Variants in THOP1 observed in about 807,000 individuals in gnomAD.
The protein encoded by THOP1 is thimet oligopeptidase 1, also known as thimet oligopeptidase.
Under a neutral mutation model 71.8 loss-of-function variants are expected in THOP1, and 49 were observed. The observed-to-expected ratio is 0.68, with a 90% CI of 0.54 to 0.87. The LOEUF (loss-of-function observed/expected upper bound fraction) is 0.87, where lower values mean the gene tolerates loss of function less well. Ranked by LOEUF, THOP1 falls within the 40% of genes least tolerant of loss-of-function variation. THOP1 has a pLI of 0.00. For missense variants in THOP1, 843 were observed against 975.6 expected, an observed-to-expected ratio of 0.86 and a Z score of 1.81; for synonymous variants, 426 against 421.5, an observed-to-expected ratio of 1.01 and a Z score of -0.13.
At position 2,805,280 on chromosome 19, in the gene THOP1, C is replaced by T; in HGVS notation, c.750+104C>T. 1 of 1,344,590 alleles carries T rather than the reference C, an allele frequency of 7.4e-7. No individual in the cohort carries two copies. Among genetic ancestry groups the T allele is most frequent in the Non-Finnish European group, 1.0e-6 (1 of 1,003,994 alleles). 83.3% of individuals were successfully genotyped at this position (1,344,590 alleles called of 1,614,324 possible). Reference sequence around the variant, plus strand: ...ACCTCCAGGCTTTGCACTTGGATGGCCTCCCAATCTCCCTGGCCAGGCCCA... The same window carrying T: ...ACCTCCAGGCTTTGCACTTGGATGGTCTCCCAATCTCCCTGGCCAGGCCCA... On this transcript the variant is annotated intron_variant, in intron 6 of 12. Coordinates refer to ENST00000307741, the MANE Select transcript of THOP1 (RefSeq NM_003249.5). This position sits in a 1 kb window ranked among gnomAD's most constrained non-coding sequence, Gnocchi z 6.6.
At chr19:2,811,962 TCC>T in intron 12 of THOP1, 4 of 1,161,006 alleles carry the variant, frequency 3.4e-6, no homozygotes, top group Non-Finnish European at 1.2e-6. Context: ...GGGTGAGCCA[TCC>T]CGGCCGAGGC....
At chr19:2,811,781 C>T (rs751417231) in intron 12 of THOP1, 47 bp downstream of exon 12, 5 of 1,561,278 alleles carry the variant, frequency 3.2e-6, no homozygotes, top group South Asian at 1.2e-5. Flanking sequence ...CGGCAAGGTA[C>T]GCGGGGACTG....
rs1916263832 is a variant in THOP1 at position 2,805,288 on chromosome 19, T to C, written c.750+112T>C. Reference sequence around the variant, plus strand: ...GCTTTGCACTTGGATGGCCTCCCAATCTCCCTGGCCAGGCCCAGTGGCCAG... The same window carrying C: ...GCTTTGCACTTGGATGGCCTCCCAACCTCCCTGGCCAGGCCCAGTGGCCAG... On this transcript the variant is annotated intron_variant, in intron 6 of 12. Coordinates refer to ENST00000307741, the MANE Select transcript of THOP1 (RefSeq NM_003249.5). The surrounding 1 kb of genome is among the most constrained non-coding windows in gnomAD (Gnocchi z 6.6). 7.6e-7 allele frequency: 1 copy of C among 1,309,326 alleles called. No individual in the cohort carries two copies. Among genetic ancestry groups the C allele is most frequent in the Admixed American group, 2.6e-5 (1 of 37,954 alleles). The allele number at this position is 1,309,326 out of a possible 1,614,324, so 81.1% of individuals were successfully genotyped here. A position where few individuals can be genotyped will look rare whatever the true frequency, so the allele number is the denominator to read the frequency against.
At chr19:2,806,748 C>T (rs1599529833) in intron 6 of THOP1, 169 bp from the exon 7 acceptor site, 3 of 1,170,734 alleles carry the variant, frequency 2.6e-6, no homozygotes, top group Admixed American at 2.6e-5. Flanking sequence ...ATTATGATAA[C>T]GCTGGTGGCA....
At position 2,796,111 on chromosome 19, in the gene THOP1, G is replaced by A; in HGVS notation, c.409G>A (p.Glu137Lys). The part of the protein sequence containing the change: ...EKVQKDSLRP[E>K]AARYLERLIK... ...AGTTCAGAAGGACTCACTGAGGCCC[G>A]AGGCTGCGCGGTACCTGGAGCGGCT... The change falls in exon 4 of 13, where the codon GAG (glutamate) becomes AAG (lysine). Residue 137 changes from glutamate to lysine, a missense_variant. Transcript: ENST00000307741. 1.1e-5 allele frequency: 18 copies of A among 1,613,932 alleles called. No individual in the cohort carries two copies. The highest frequency in any genetic ancestry group is 2.2e-5 in the East Asian group (1 of 44,864).
Position 2,804,996 on chromosome 19 carries a change from C to T in THOP1, c.590-20C>T. The T allele has an allele frequency of 3.1e-6, 5 of 1,606,258 alleles. No individual in the cohort carries two copies. Among genetic ancestry groups the T allele is most frequent in the Non-Finnish European group, 4.3e-6 (5 of 1,176,398 alleles). On this transcript the variant is annotated intron_variant, in intron 5 of 12. Coordinates refer to ENST00000307741, the MANE Select transcript of THOP1 (RefSeq NM_003249.5). This position sits in a 1 kb window ranked among gnomAD's most constrained non-coding sequence, Gnocchi z 4.7. Reference sequence around the variant, plus strand: ...GGGCCCATCAGTCCTGTCAAAGCCACCCTGGTTCTGTCCCCATAGGAGGGC... The same window carrying T: ...GGGCCCATCAGTCCTGTCAAAGCCATCCTGGTTCTGTCCCCATAGGAGGGC...
Position 2,807,136 on chromosome 19 carries a change from G to A in THOP1, c.886+84G>A. 2.0e-6 allele frequency: 3 copies of A among 1,464,342 alleles called. No homozygotes were observed. In the South Asian group the frequency reaches 4.2e-5, roughly 21 times the overall value. The allele number at this position is 1,464,342 out of a possible 1,614,324, so 90.7% of individuals were successfully genotyped here. On this transcript the variant is annotated intron_variant, in intron 7 of 12. Coordinates refer to ENST00000307741, the MANE Select transcript of THOP1 (RefSeq NM_003249.5). ...CAGGGGACAGTCGGTGCTACCCCTA[G>A]AGCCTTGTCCTTTCCCTCCATGAAG...
Position 2,794,141 on chromosome 19 carries a change from A to G in THOP1, c.230-623A>G, listed in dbSNP as rs184870026. On this transcript the variant is annotated intron_variant, in intron 2 of 12. Transcript: ENST00000307741. ...GCTATTCCCCTACCTCAGCCTCCCAAGTAGTTGGAATTACAGGCACGCGCC... is the reference window on the plus strand; with the variant it reads ...GCTATTCCCCTACCTCAGCCTCCCAGGTAGTTGGAATTACAGGCACGCGCC... 2.0e-5 allele frequency among the ~76,000 whole-genome samples: 3 copies of G among 151,766 alleles called. No homozygotes were observed. The East Asian group carries it at 5.8e-4, about 29-fold the overall frequency.
chr19:2,785,551 C>G lies in THOP1; in HGVS notation c.-112C>G. On this transcript the variant is annotated 5_prime_UTR_variant, in exon 1 of 13. Coordinates refer to ENST00000307741, the MANE Select transcript of THOP1 (RefSeq NM_003249.5). ...GCGGGCCCCTTGGTCCTCAGGCGGC[C>G]GTGGCGGCGGTGGCGGCGGTTGGGC... 3.1e-6 allele frequency: 4 copies of G among 1,301,670 alleles called. No homozygotes were observed. Among genetic ancestry groups the G allele is most frequent in the Non-Finnish European group, 4.1e-6 (4 of 987,202 alleles). 80.6% of individuals were successfully genotyped at this position (1,301,670 alleles called of 1,614,324 possible). A position where few individuals can be genotyped will look rare whatever the true frequency, so the allele number is the denominator to read the frequency against.
intron 4 of THOP1, among the ~76,000 whole-genome samples, chr19:2,797,743 G>A (rs573095641): frequency 6.6e-6 from 1 of 152,304 alleles, no homozygotes; most frequent in African/African-American, 2.4e-5. Context: ...CCTAAGTCAG[G>A]GAGCATCTGT....
At position 2,805,334 on chromosome 19, in the gene THOP1, T is replaced by C. The variant is rs1916264704; in HGVS notation, c.750+158T>C. Reference sequence around the variant, plus strand: ...GCCAGCAGAGGCCTCCCTGTGGGGCTCTGCCGTGCCCTGGAGGTGTCTGTG... The same window carrying C: ...GCCAGCAGAGGCCTCCCTGTGGGGCCCTGCCGTGCCCTGGAGGTGTCTGTG... On this transcript the variant is annotated intron_variant, in intron 6 of 12. Transcript: ENST00000307741. This position sits in a 1 kb window ranked among gnomAD's most constrained non-coding sequence, Gnocchi z 6.6. 6.6e-6 allele frequency among the ~76,000 whole-genome samples: 1 copy of C among 152,190 alleles called. No individual in the cohort carries two copies. Among genetic ancestry groups the C allele is most frequent in the Non-Finnish European group, 1.5e-5 (1 of 68,028 alleles).
At chr19:2,799,430 A>T (rs1242644597) in intron 4 of THOP1, among the ~76,000 whole-genome samples, 1 of 152,242 alleles carries the variant, frequency 6.6e-6, no homozygotes, top group East Asian at 1.9e-4. Flanking sequence ...AGACCGGAGC[A>T]CATCCCTGAG....
At position 2,804,222 on chromosome 19, in the gene THOP1, G is replaced by A. The variant is rs890859881; in HGVS notation, c.590-794G>A. Among the ~76,000 whole-genome samples the A allele has an allele frequency of 5.9e-5, 9 of 152,336 alleles. No homozygotes were observed. The highest frequency in any genetic ancestry group is 3.4e-3 in the Middle Eastern group (1 of 294). Reference sequence around the variant, plus strand: ...TAGGAACCCCAGAGGGTTTCAGTCCGGGATGCTGCCGCCCCCACTTCTCTT... The same window carrying A: ...TAGGAACCCCAGAGGGTTTCAGTCCAGGATGCTGCCGCCCCCACTTCTCTT... On this transcript the variant is annotated intron_variant, in intron 5 of 12. Coordinates refer to ENST00000307741, the MANE Select transcript of THOP1 (RefSeq NM_003249.5). This position sits in a 1 kb window ranked among gnomAD's most constrained non-coding sequence, Gnocchi z 4.7.
chr19:2,787,483 A>G (rs190055549), intron 1 of THOP1, among the ~76,000 whole-genome samples: 2 of 152,326 alleles, frequency 1.3e-5, no homozygotes, highest in East Asian at 3.9e-4. Flanking sequence ...TGACAGTTCC[A>G]GTTCCCATCC....
rs184811249 is a variant in THOP1 at position 2,813,940 on chromosome 19, C to G, written c.*664C>G. On this transcript the variant is annotated 3_prime_UTR_variant, in exon 13 of 13. Coordinates refer to ENST00000307741, the MANE Select transcript of THOP1 (RefSeq NM_003249.5). ...GGCAGGCCCTGTGCGCACAGGCAGC[C>G]GGGGCGGGGCTGGGGGTCAGCAGCT... 1 of 152,348 alleles carries G rather than the reference C, an allele frequency of 6.6e-6. No homozygotes were observed. Among genetic ancestry groups the G allele is most frequent in the East Asian group, 1.9e-4 (1 of 5,190 alleles). The allele number at this position is 152,348 out of a possible 1,614,324, so 9.4% of individuals were successfully genotyped here.
At position 2,794,886 on chromosome 19, in the gene THOP1, G is replaced by A. The variant is rs1333644507; in HGVS notation, c.352G>A (p.Val118Met). 2 of 1,613,406 alleles carry A rather than the reference G, an allele frequency of 1.2e-6. No individual in the cohort carries two copies. The highest frequency in any genetic ancestry group is 2.7e-5 in the African/African-American group (2 of 74,930). ...CGTGGAGATGAGCATGAGGGAGGAC[G>A]TGTACCAGAGGATCGTGTGGCTCCA... ...FDVEMSMRED[V>M]YQRIVWLQEK... Residue 118 changes from valine to methionine, a missense_variant, in exon 3 of 13, where the codon GTG becomes ATG. Physicochemically the swap from Val to Met is conservative, Grantham distance 21. Transcript: ENST00000307741.
intron 12 of THOP1, chr19:2,812,270 C>T (rs1045304954): frequency 3.9e-6 from 6 of 1,535,520 alleles, no homozygotes; most frequent in Non-Finnish European, 3.5e-6. Context: ...GTGACCCAGG[C>T]TCGGGACAGC....
chr19:2,799,531 G>C (rs1319937344), intron 4 of THOP1, among the ~76,000 whole-genome samples, 158 bp from the exon 5 acceptor site: 1 of 152,146 alleles, frequency 6.6e-6, no homozygotes, highest in Non-Finnish European at 1.5e-5. Flanking sequence ...TCTGTCCTCC[G>C]CCTCCCGTCT....
chr19:2,785,824 C>G (rs1000040403), intron 1 of THOP1, 146 bp downstream of exon 1: 12 of 679,172 alleles, frequency 1.8e-5, no homozygotes, highest in Non-Finnish European at 2.5e-5. Context: ...GTGGACGACC[C>G]TGCTCTCTCG....
Sources: allele counts gnomAD v4.1 joint callset (sites outside exome capture counted in the v4.1 genomes callset), GRCh38; gene constraint gnomAD v4.1.1; non-coding constraint Gnocchi (gnomAD v3.1); transcripts MANE v1.5; gene names NCBI Gene and HGNC (gene_info 2026-07-23, HGNC 2026-07-21).